Variants in CNTN5 observed in about 807,000 individuals in gnomAD.
CNTN5 encodes contactin 5.
CNTN5 carries 77 observed loss-of-function variants against 129.1 expected under a neutral mutation model. That is an observed-to-expected ratio of 0.60 (90% CI 0.50 to 0.72). CNTN5 has a LOEUF of 0.72. Ranked by LOEUF, CNTN5 falls within the 30% of genes least tolerant of loss-of-function variation. The pLI, the probability that CNTN5 is intolerant of heterozygous loss-of-function variation, is 0.00. For synonymous variants in CNTN5, 509 were observed against 465.6 expected (o/e 1.09, Z -1.20); for missense variants, 1,478 against 1,328.8 (o/e 1.11, Z -1.75).
intron 3 of CNTN5, among the ~76,000 whole-genome samples, chr11:99,692,139 C>T (rs1160192220): frequency 6.6e-6 from 1 of 152,056 alleles, no homozygotes; most frequent in Non-Finnish European, 1.5e-5. Context: ...TGTGTCTTTG[C>T]ATGTGAGATA....
At chr11:99,846,882 A>G (rs759212059) in intron 6 of CNTN5, among the ~76,000 whole-genome samples, 3 of 152,224 alleles carry the variant, frequency 2.0e-5, no homozygotes, top group Non-Finnish European at 2.9e-5. Context: ...ACATTTACAT[A>G]GGCCAAAGAC....
chr11:99,787,771 A>C (rs1233933557), intron 3 of CNTN5, among the ~76,000 whole-genome samples: 1 of 152,052 alleles, frequency 6.6e-6, no homozygotes. Flanking sequence ...TGTGCTATAC[A>C]TATAATTAAG....
intron 1 of CNTN5, among the ~76,000 whole-genome samples, chr11:99,094,451 A>G (rs1030218420): frequency 2.6e-5 from 4 of 152,026 alleles, no homozygotes; most frequent in Non-Finnish European, 4.4e-5. Context: ...CTTGTGGCAT[A>G]AGAGAAGCAG....
At chr11:99,814,815 T>C (rs1315426335) in intron 3 of CNTN5, among the ~76,000 whole-genome samples, 1 of 152,008 alleles carries the variant, frequency 6.6e-6, no homozygotes, top group Non-Finnish European at 1.5e-5. Flanking sequence ...ATAGAGAACG[T>C]CTCCAAACTG....
chr11:99,774,265 A>G (rs1469389812), intron 3 of CNTN5, among the ~76,000 whole-genome samples: 1 of 151,154 alleles, frequency 6.6e-6, no homozygotes, highest in Non-Finnish European at 1.5e-5. Flanking sequence ...AACACTTATC[A>G]GAGTGATAAA....
chr11:99,482,480 G>A (rs1945639312), intron 2 of CNTN5, among the ~76,000 whole-genome samples: 1 of 152,080 alleles, frequency 6.6e-6, no homozygotes, highest in South Asian at 2.1e-4. Context: ...ACCCAGAAGA[G>A]TTACTTTTGT....
chr11:99,031,988 T>A (rs1156291815), intron 1 of CNTN5, among the ~76,000 whole-genome samples: 1 of 144,110 alleles, frequency 6.9e-6, no homozygotes, highest in Non-Finnish European at 1.5e-5. Context: ...CATTGTTCAA[T>A]TCCCACCTAT....
intron 18 of CNTN5, among the ~76,000 whole-genome samples, chr11:100,272,090 T>C (rs959977277): frequency 6.6e-5 from 10 of 152,136 alleles, no homozygotes; most frequent in Non-Finnish European, 1.3e-4. Flanking sequence ...GGATCAGGGA[T>C]AGGTATAGGG....
chr11:99,317,045 A>C (rs1047674038), intron 1 of CNTN5, among the ~76,000 whole-genome samples: 2 of 152,218 alleles, frequency 1.3e-5, no homozygotes, highest in African/African-American at 2.4e-5. Flanking sequence ...CCCTAAGAGA[A>C]TAAAGTCTGT....
At chr11:99,853,135 C>T (rs1947926276) in intron 6 of CNTN5, among the ~76,000 whole-genome samples, 1 of 152,042 alleles carries the variant, frequency 6.6e-6, no homozygotes, top group African/African-American at 2.4e-5. Flanking sequence ...AAATATTTCA[C>T]TGAGGGACAA....
At chr11:100,208,981 A>G (rs1431817675) in intron 15 of CNTN5, among the ~76,000 whole-genome samples, 1 of 152,164 alleles carries the variant, frequency 6.6e-6, no homozygotes, top group African/African-American at 2.4e-5. Flanking sequence ...AGGCTAGTCC[A>G]AGCTATGTCG....
At chr11:99,743,310 T>G (rs1415589547) in intron 3 of CNTN5, among the ~76,000 whole-genome samples, 9 of 152,184 alleles carry the variant, frequency 5.9e-5, no homozygotes, top group Non-Finnish European at 1.2e-4. Flanking sequence ...GGGAAAGATT[T>G]ATCCTACTAT....
intron 2 of CNTN5, among the ~76,000 whole-genome samples, chr11:99,490,935 A>G (rs530122576): frequency 1.3e-4 from 19 of 151,136 alleles, no homozygotes; most frequent in Non-Finnish European, 2.2e-4. Context: ...GGTTACTCAG[A>G]GCTCACCGAG....
At chr11:100,157,152 G>A (rs1380469256) in intron 13 of CNTN5, among the ~76,000 whole-genome samples, 10 of 151,886 alleles carry the variant, frequency 6.6e-5, no homozygotes, top group African/African-American at 2.2e-4. Context: ...ATTAGTTGAA[G>A]CAGTATTTTG....
At chr11:99,565,761 A>G (rs1001967316) in intron 3 of CNTN5, among the ~76,000 whole-genome samples, 1 of 152,124 alleles carries the variant, frequency 6.6e-6, no homozygotes, top group African/African-American at 2.4e-5. Context: ...TCATTCTCCC[A>G]TGATTTCCCC....
At chr11:99,720,171 A>G (rs1377068541) in intron 3 of CNTN5, among the ~76,000 whole-genome samples, 1 of 152,154 alleles carries the variant, frequency 6.6e-6, no homozygotes, top group Non-Finnish European at 1.5e-5. Flanking sequence ...CACTCTATCT[A>G]TGAGGCCAGC....
rs201969397 is a variant in CNTN5 at position 100,070,520 on chromosome 11, C to A, written c.1259C>A (p.Thr420Lys). 1.9e-6 allele frequency: 3 copies of A among 1,613,070 alleles called. No individual in the cohort carries two copies. The highest frequency in any genetic ancestry group is 1.3e-5 in the African/African-American group (1 of 75,002). Reference protein sequence around the residue: ...ECKATGKPRPTYRWLKNGVPL... With the variant: ...ECKATGKPRPKYRWLKNGVPL... ...AAGGCTACTGGAAAACCCAGACCCACGTATCGTTGGCTGAAGAATGGAGTA... is the reference window on the plus strand; with the variant it reads ...AAGGCTACTGGAAAACCCAGACCCAAGTATCGTTGGCTGAAGAATGGAGTA... The change falls in exon 11 of 25, where the codon ACG becomes AAG. Residue 420 changes from threonine (T) to lysine (K), a missense_variant. Transcript: ENST00000524871.
At chr11:99,902,192 C>G (rs1289413023) in intron 6 of CNTN5, among the ~76,000 whole-genome samples, 2 of 151,106 alleles carry the variant, frequency 1.3e-5, no homozygotes, top group African/African-American at 4.9e-5. Context: ...TTTTAGTGAA[C>G]CAGAGCGTGG....
intron 6 of CNTN5, among the ~76,000 whole-genome samples, chr11:99,902,037 C>T (rs987952270): frequency 1.3e-5 from 2 of 152,126 alleles, no homozygotes; most frequent in Admixed American, 1.3e-4. Flanking sequence ...AAATCCATGT[C>T]TTTCTGATTC....
Sources: allele counts gnomAD v4.1 joint callset (sites outside exome capture counted in the v4.1 genomes callset), GRCh38; gene constraint gnomAD v4.1.1; transcripts MANE v1.5; gene names NCBI Gene and HGNC (gene_info 2026-07-23, HGNC 2026-07-21).